CACNA2D3: variants seen among roughly 807,000 people sequenced by gnomAD.
CACNA2D3 encodes voltage-dependent calcium channel subunit alpha-2/delta-3.
CACNA2D3 carries 60 observed loss-of-function variants against 160.6 expected under a neutral mutation model. That is an observed-to-expected ratio of 0.37 (90% CI 0.30 to 0.46). CACNA2D3 has a LOEUF of 0.46. Ranked by LOEUF, CACNA2D3 falls within the 20% of genes least tolerant of loss-of-function variation. The probability of loss-of-function intolerance (pLI) is 1.00; values close to 1 mark genes in which losing one functional copy is unlikely to be tolerated. For missense variants in CACNA2D3, 1,205 were observed against 1,365.0 expected (o/e 0.88, Z 1.85); for synonymous variants, 558 against 492.9 (o/e 1.13, Z -1.75).
At chr3:54,873,827 C>A (rs567364619) in intron 18 of CACNA2D3, among the ~76,000 whole-genome samples, 2 of 152,246 alleles carry the variant, frequency 1.3e-5, no homozygotes, top group South Asian at 4.2e-4. Flanking sequence ...TTGGGAAAAC[C>A]CAAACCACCA....
intron 4 of CACNA2D3, among the ~76,000 whole-genome samples, chr3:54,429,308 A>G (rs1411193555): frequency 6.6e-6 from 1 of 152,214 alleles, no homozygotes; most frequent in East Asian, 1.9e-4. Flanking sequence ...GAAAAACTTG[A>G]GACCCATGGA....
At chr3:54,631,638 A>G (rs951276502) in intron 10 of CACNA2D3, among the ~76,000 whole-genome samples, 4 of 152,210 alleles carry the variant, frequency 2.6e-5, no homozygotes, top group Admixed American at 1.3e-4. Flanking sequence ...TCTGTTTTAC[A>G]GTTACCTGCA....
intron 11 of CACNA2D3, among the ~76,000 whole-genome samples, chr3:54,746,214 T>C (rs570162749): frequency 6.6e-6 from 1 of 152,290 alleles, no homozygotes; most frequent in South Asian, 2.1e-4. Flanking sequence ...AGTAATCAGG[T>C]TCCAACCCTT....
At chr3:54,404,333 T>C (rs1379150786) in intron 4 of CACNA2D3, among the ~76,000 whole-genome samples, 1 of 152,166 alleles carries the variant, frequency 6.6e-6, no homozygotes, top group Non-Finnish European at 1.5e-5. Context: ...CATGTAAGAC[T>C]AGCATATACA....
intron 4 of CACNA2D3, among the ~76,000 whole-genome samples, chr3:54,477,382 C>T (rs1700848465): frequency 6.6e-6 from 1 of 151,986 alleles, no homozygotes; most frequent in Non-Finnish European, 1.5e-5. Flanking sequence ...TATTTATCCT[C>T]CGGAGCAGAC....
chr3:54,667,906 G>T (rs548641539), intron 11 of CACNA2D3, among the ~76,000 whole-genome samples: 49 of 150,716 alleles, frequency 3.3e-4, no homozygotes, highest in South Asian at 2.3e-3. Context: ...GTAATTACGT[G>T]ACTGCACTCC....
chr3:54,859,419 G>A (rs1215796527), intron 17 of CACNA2D3, among the ~76,000 whole-genome samples: 2 of 152,178 alleles, frequency 1.3e-5, no homozygotes, highest in Admixed American at 1.3e-4. Flanking sequence ...TACATTCTCT[G>A]TGGAGGTTGC....
In CACNA2D3 at chr3:54,251,130, A is replaced by C. The variant is rs563116616; in HGVS notation, c.205-69312A>C. 6.6e-5 allele frequency among the ~76,000 whole-genome samples: 10 copies of C among 152,242 alleles called. No homozygotes were observed. In the South Asian group the frequency reaches 2.1e-3, roughly 32 times the overall value. On this transcript the variant is annotated intron_variant, in intron 2 of 37. Coordinates refer to ENST00000474759, the MANE Select transcript of CACNA2D3 (RefSeq NM_018398.3). ...CTTAGGCAGGGTCAGATAAGTAGGG[A>C]GGTCAGGAGGAGGTTCAGCTGGGTT...
chr3:54,809,336 G>T (rs1217662293), intron 13 of CACNA2D3, among the ~76,000 whole-genome samples: 1 of 50,462 alleles, frequency 2.0e-5, no homozygotes, highest in Non-Finnish European at 3.2e-5. Context: ...TTTTGAGACG[G>T]AGTCTCGCTC....
chr3:54,225,101 CACT>C (rs1701647343), intron 2 of CACNA2D3, among the ~76,000 whole-genome samples: 1 of 151,956 alleles, frequency 6.6e-6, no homozygotes, highest in Non-Finnish European at 1.5e-5. Context: ...TATCCCTCCC[CACT>C]CCACCCACCC....
At chr3:54,641,099 A>G in intron 10 of CACNA2D3, among the ~76,000 whole-genome samples, 1 of 152,160 alleles carries the variant, frequency 6.6e-6, no homozygotes, top group Non-Finnish European at 1.5e-5. Context: ...TTCTGAGCCA[A>G]ATATGAATGA....
chr3:54,857,384 G>A (rs1319428583), intron 17 of CACNA2D3, among the ~76,000 whole-genome samples: 2 of 152,182 alleles, frequency 1.3e-5, no homozygotes, highest in South Asian at 2.1e-4. Context: ...GCTAGGTGAA[G>A]GCTTTCTCTG....
intron 13 of CACNA2D3, among the ~76,000 whole-genome samples, chr3:54,808,668 A>G (rs751072233): frequency 6.6e-6 from 1 of 152,164 alleles, no homozygotes; most frequent in Non-Finnish European, 1.5e-5. Context: ...GATAATGAAC[A>G]TAAAGAGATA....
intron 13 of CACNA2D3, among the ~76,000 whole-genome samples, chr3:54,766,382 C>T (rs1283140882): frequency 6.6e-6 from 1 of 152,118 alleles, no homozygotes; most frequent in African/African-American, 2.4e-5. Context: ...TGTACAACTT[C>T]ATAATAAGCA....
At chr3:54,731,499 TCA>T (rs1701385571) in intron 11 of CACNA2D3, among the ~76,000 whole-genome samples, 2 of 152,146 alleles carry the variant, frequency 1.3e-5, no homozygotes, top group Admixed American at 6.5e-5. Flanking sequence ...CTTTTCCAGG[TCA>T]CAGTTATTTA....
intron 35 of CACNA2D3, among the ~76,000 whole-genome samples, chr3:55,068,617 T>C (rs898090834): frequency 1.3e-5 from 2 of 152,246 alleles, no homozygotes; most frequent in East Asian, 1.9e-4. Flanking sequence ...ACTTTACGTA[T>C]AGTTTTACAA....
At chr3:54,139,484 G>A (rs1255180099) in intron 2 of CACNA2D3, among the ~76,000 whole-genome samples, 1 of 152,244 alleles carries the variant, frequency 6.6e-6, no homozygotes, top group Non-Finnish European at 1.5e-5. Context: ...ATTCTTCTCT[G>A]CATTTTTGCT....
At chr3:54,237,859 G>A (rs1701912186) in intron 2 of CACNA2D3, among the ~76,000 whole-genome samples, 1 of 152,014 alleles carries the variant, frequency 6.6e-6, no homozygotes, top group Non-Finnish European at 1.5e-5. Flanking sequence ...GAAGTTTAGG[G>A]GAAAAAATGG....
At chr3:54,592,033 T>C (rs1702869897) in intron 9 of CACNA2D3, among the ~76,000 whole-genome samples, 1 of 152,198 alleles carries the variant, frequency 6.6e-6, no homozygotes, top group Non-Finnish European at 1.5e-5. Context: ...CAGTGTTAAC[T>C]TCAAGTTAAT....
Sources: allele counts gnomAD v4.1 joint callset (sites outside exome capture counted in the v4.1 genomes callset), GRCh38; gene constraint gnomAD v4.1.1; transcripts MANE v1.5; gene names NCBI Gene and HGNC (gene_info 2026-07-23, HGNC 2026-07-21).